DPP6: variants seen among roughly 807,000 people sequenced by gnomAD.
The protein encoded by DPP6 is dipeptidyl peptidase like 6.
DPP6 carries 69 observed loss-of-function variants against 122.6 expected under a neutral mutation model. That is an observed-to-expected ratio of 0.56 (90% confidence interval 0.46 to 0.69). The LOEUF is 0.69. Among genes scored for constraint, DPP6 ranks in the 30% least tolerant of loss-of-function variants. The pLI is 0.00. For missense variants in DPP6, 928 were observed against 1,116.9 expected (o/e 0.83, Z 2.41); for synonymous variants, 418 against 433.1 (o/e 0.97, Z 0.43).
intron 1 of DPP6, among the ~76,000 whole-genome samples, chr7:153,909,484 C>T (rs1362883579): frequency 6.6e-6 from 1 of 152,088 alleles, no homozygotes; most frequent in Non-Finnish European, 1.5e-5. Context: ...ATGCCCTGTC[C>T]CCCTCCAGCT....
At chr7:154,739,072 A>AG (rs1369269619) in intron 8 of DPP6, among the ~76,000 whole-genome samples, 1 of 152,184 alleles carries the variant, frequency 6.6e-6, no homozygotes, top group Admixed American at 6.5e-5. Context: ...ACTAGTGGAA[A>AG]GGGGAGTGTT....
At chr7:154,659,718 G>A (rs1563071026) in intron 6 of DPP6, among the ~76,000 whole-genome samples, 1 of 152,142 alleles carries the variant, frequency 6.6e-6, no homozygotes, top group Non-Finnish European at 1.5e-5. Context: ...CTCCCCACGA[G>A]GAACATCCTG....
chr7:154,888,141 T>G (rs1806316818), intron 23 of DPP6, among the ~76,000 whole-genome samples: 1 of 144,554 alleles, frequency 6.9e-6, no homozygotes, highest in African/African-American at 2.6e-5. Context: ...CAGTCTAGAG[T>G]GTAGCAGCAT....
intron 1 of DPP6, among the ~76,000 whole-genome samples, chr7:154,351,296 G>A (rs778779523): frequency 1.2e-4 from 18 of 151,976 alleles, no homozygotes; most frequent in South Asian, 4.2e-4. Context: ...CAGTAGAGGC[G>A]GGATCCCACA....
intron 1 of DPP6, among the ~76,000 whole-genome samples, chr7:153,895,280 G>A (rs1248906830): frequency 6.6e-6 from 1 of 152,226 alleles, no homozygotes; most frequent in East Asian, 1.9e-4. Flanking sequence ...CCCTCGACCA[G>A]CAGAAGTTGT....
chr7:154,205,304 C>A (rs913175715), intron 1 of DPP6, among the ~76,000 whole-genome samples: 4 of 152,218 alleles, frequency 2.6e-5, no homozygotes, highest in African/African-American at 9.6e-5. Flanking sequence ...TTTCTGTCCT[C>A]ACAGGACCCC....
intron 5 of DPP6, among the ~76,000 whole-genome samples, chr7:154,595,598 C>T (rs866928729): frequency 6.6e-6 from 1 of 152,214 alleles, no homozygotes. Flanking sequence ...ATACCATTGT[C>T]GAGGAGGTGG....
the DPP6 span, among the ~76,000 whole-genome samples, chr7:153,779,907 G>A: frequency 6.6e-6 from 1 of 151,732 alleles, no homozygotes; most frequent in Non-Finnish European, 1.5e-5. Context: ...GTCAATGGTA[G>A]AGAAGATACA....
intron 1 of DPP6, among the ~76,000 whole-genome samples, chr7:153,999,644 G>C (rs1456794552): frequency 1.3e-5 from 2 of 152,158 alleles, no homozygotes; most frequent in Admixed American, 6.5e-5. Context: ...ACTTCAGTTT[G>C]GCTGGAGAAC....
At chr7:154,309,960 G>C (rs1806719912) in intron 1 of DPP6, among the ~76,000 whole-genome samples, 1 of 152,174 alleles carries the variant, frequency 6.6e-6, no homozygotes, top group African/African-American at 2.4e-5. Context: ...AAAACTTGAA[G>C]GAACTGCTGA....
At chr7:154,305,690 G>T in intron 1 of DPP6, 1 of 1,312,468 alleles carries the variant, frequency 7.6e-7, no homozygotes. Context: ...ATTGGTTTAT[G>T]ACTGTAGCCC....
At chr7:153,948,651 A>G (rs1294931440) in intron 1 of DPP6, among the ~76,000 whole-genome samples, 1 of 151,148 alleles carries the variant, frequency 6.6e-6, no homozygotes, top group African/African-American at 2.4e-5. Flanking sequence ...GATGAGATAA[A>G]ATATGTAGAC....
the DPP6 span, among the ~76,000 whole-genome samples, chr7:153,818,695 G>A: frequency 8.6e-4 from 131 of 151,766 alleles, 1 homozygote; most frequent in Middle Eastern, 6.8e-3. Context: ...TAGGCTGGTG[G>A]TGAGCTCTGG....
At chr7:154,806,700 C>T (rs1459223259) in intron 15 of DPP6, among the ~76,000 whole-genome samples, 2 of 152,192 alleles carry the variant, frequency 1.3e-5, no homozygotes, top group East Asian at 3.9e-4. Flanking sequence ...CTCCTCACAC[C>T]AGGCCACCTG....
intron 3 of DPP6, among the ~76,000 whole-genome samples, chr7:154,513,230 T>C (rs576198175): frequency 6.6e-6 from 1 of 152,318 alleles, no homozygotes; most frequent in Non-Finnish European, 1.5e-5. Context: ...TACCTAATTT[T>C]AGTCAACCTG....
At chr7:154,710,647 A>G in intron 7 of DPP6, among the ~76,000 whole-genome samples, 1 of 152,256 alleles carries the variant, frequency 6.6e-6, no homozygotes, top group South Asian at 2.1e-4. Context: ...CCACTGCCCA[A>G]GGACCTGCTG....
At chr7:154,759,559 C>T (rs544830678) in intron 8 of DPP6, among the ~76,000 whole-genome samples, 7 of 152,338 alleles carry the variant, frequency 4.6e-5, no homozygotes, top group South Asian at 4.1e-4. Context: ...TATGCAAATC[C>T]GGCTCTTAGC....
At chr7:154,057,012 C>A (rs569967674) in intron 1 of DPP6, among the ~76,000 whole-genome samples, 1 of 152,222 alleles carries the variant, frequency 6.6e-6, no homozygotes, top group Non-Finnish European at 1.5e-5. Flanking sequence ...TACTCACCTA[C>A]AGAATAGCTA....
the DPP6 span, among the ~76,000 whole-genome samples, chr7:153,766,487 C>T: frequency 6.6e-6 from 1 of 152,030 alleles, no homozygotes; most frequent in Non-Finnish European, 1.5e-5. Flanking sequence ...CTGTATTTTC[C>T]TTTCTGGAAC....
Sources: gnomAD v4.1 joint callset for allele counts (sites outside exome capture counted in the v4.1 genomes callset) on GRCh38, gnomAD v4.1.1 for gene constraint, MANE v1.5 for transcripts, NCBI Gene and HGNC (gene_info 2026-07-23, HGNC 2026-07-21) for gene names.